The following RSPO2 variants were observed in gnomAD, a reference collection of about 807,000 sequenced individuals.
RSPO2 encodes the protein R-spondin 2.
RSPO2 carries 14 observed loss-of-function variants against 30.9 expected under a neutral mutation model. The ratio of observed to expected loss-of-function variants is 0.45; its 90% CI spans 0.30 to 0.71. The LOEUF (loss-of-function observed/expected upper bound fraction) is 0.71, where lower values mean the gene tolerates loss of function less well. Ranked by LOEUF, RSPO2 falls within the 30% of genes least tolerant of loss-of-function variation. The pLI is 0.08. For missense variants in RSPO2, 264 were observed against 301.9 expected (o/e 0.87, Z 0.93); for synonymous variants, 107 against 96.4 (o/e 1.11, Z -0.64).
chr8:107,903,328 A>T (rs1489336426), intron 5 of RSPO2, among the ~76,000 whole-genome samples: 2 of 151,498 alleles, frequency 1.3e-5, no homozygotes, highest in Non-Finnish European at 2.9e-5. Flanking sequence ...ATATATGTTA[A>T]AGAAAGCTTT....
At chr8:108,028,325 T>C (rs1178738720) in intron 2 of RSPO2, among the ~76,000 whole-genome samples, 2 of 152,182 alleles carry the variant, frequency 1.3e-5, no homozygotes, top group African/African-American at 2.4e-5. Flanking sequence ...CTCTGTCAAT[T>C]GCTTCCTTTT....
At chr8:107,999,435 G>C (rs1164901860) in intron 2 of RSPO2, among the ~76,000 whole-genome samples, 1 of 152,046 alleles carries the variant, frequency 6.6e-6, no homozygotes, top group Admixed American at 6.6e-5. Flanking sequence ...GGAGAAACTA[G>C]GAGTTTTTGT....
At chr8:107,932,366 G>A (rs1212993668) in intron 5 of RSPO2, among the ~76,000 whole-genome samples, 1 of 152,108 alleles carries the variant, frequency 6.6e-6, no homozygotes, top group Admixed American at 6.5e-5. Flanking sequence ...GAGTAGGGAG[G>A]TAATACCACC....
intron 5 of RSPO2, among the ~76,000 whole-genome samples, chr8:107,943,327 G>A (rs1812957988): frequency 6.6e-6 from 1 of 152,080 alleles, no homozygotes. Flanking sequence ...ACTAAGTACT[G>A]AAAGTTACAT....
chr8:107,924,636 G>A (rs1812294166), intron 5 of RSPO2, among the ~76,000 whole-genome samples: 1 of 151,918 alleles, frequency 6.6e-6, no homozygotes, highest in Admixed American at 6.6e-5. Flanking sequence ...AAGAGCAGTA[G>A]GGTACTGATG....
At chr8:107,971,236 A>T (rs1388435385) in intron 3 of RSPO2, among the ~76,000 whole-genome samples, 1 of 152,220 alleles carries the variant, frequency 6.6e-6, no homozygotes, top group Non-Finnish European at 1.5e-5. Flanking sequence ...ACAAGAAACA[A>T]ATGTAAGCTT....
chr8:107,981,086 A>T (rs1793633988), intron 3 of RSPO2, among the ~76,000 whole-genome samples: 1 of 152,196 alleles, frequency 6.6e-6, no homozygotes, highest in Non-Finnish European at 1.5e-5. Context: ...CTTCAAACAC[A>T]TTATATAGAA....
intron 2 of RSPO2, among the ~76,000 whole-genome samples, chr8:108,052,323 A>T (rs1295325344): frequency 2.6e-5 from 4 of 152,194 alleles, no homozygotes; most frequent in Non-Finnish European, 5.9e-5. Flanking sequence ...TCTTGTGAGA[A>T]ACTCAAACTT....
At chr8:107,937,082 G>A (rs1303997295) in intron 5 of RSPO2, among the ~76,000 whole-genome samples, 1 of 147,634 alleles carries the variant, frequency 6.8e-6, no homozygotes, top group African/African-American at 2.5e-5. Context: ...GTCTTAAAGT[G>A]TTTTCCCTAT....
chr8:107,970,204 T>C (rs1813947431), intron 3 of RSPO2, among the ~76,000 whole-genome samples: 1 of 152,200 alleles, frequency 6.6e-6, no homozygotes, highest in African/African-American at 2.4e-5. Context: ...ATGTAAATGA[T>C]TCAACATGGA....
intron 5 of RSPO2, among the ~76,000 whole-genome samples, chr8:107,953,380 C>G (rs1041875322): frequency 3.0e-4 from 46 of 152,176 alleles, no homozygotes; most frequent in African/African-American, 9.2e-4. Context: ...GAGAGTAGGG[C>G]CTTCACAGGG....
intron 5 of RSPO2, among the ~76,000 whole-genome samples, chr8:107,903,718 C>T (rs1054875855): frequency 3.9e-5 from 6 of 152,048 alleles, no homozygotes; most frequent in Non-Finnish European, 5.9e-5. Context: ...CTAATTACAA[C>T]CCTAAAGATT....
intron 5 of RSPO2, among the ~76,000 whole-genome samples, chr8:107,924,157 G>A (rs559972314): frequency 1.3e-5 from 2 of 151,772 alleles, no homozygotes; most frequent in South Asian, 4.2e-4. Context: ...AAAAACTGAG[G>A]TTACTACAAA....
At chr8:108,020,738 A>G (rs1811037303) in intron 2 of RSPO2, among the ~76,000 whole-genome samples, 1 of 152,210 alleles carries the variant, frequency 6.6e-6, no homozygotes, top group Non-Finnish European at 1.5e-5. Flanking sequence ...CTATAAAGGA[A>G]CATGCAATCT....
intron 5 of RSPO2, among the ~76,000 whole-genome samples, chr8:107,945,240 CCTTT>C (rs1563532526): frequency 3.9e-5 from 4 of 102,820 alleles, no homozygotes; most frequent in African/African-American, 9.7e-5. Flanking sequence ...CATTCTTTTA[CCTTT>C]TTTTTTTTTT....
At chr8:107,970,601 T>C (rs573488103) in intron 3 of RSPO2, among the ~76,000 whole-genome samples, 3 of 152,238 alleles carry the variant, frequency 2.0e-5, no homozygotes, top group Non-Finnish European at 4.4e-5. Context: ...GGAATTCAGT[T>C]GACATGGGAA....
At chr8:108,005,778 T>C (rs1208165644) in intron 2 of RSPO2, among the ~76,000 whole-genome samples, 1 of 152,106 alleles carries the variant, frequency 6.6e-6, no homozygotes, top group African/African-American at 2.4e-5. Context: ...ACTACTTGGG[T>C]CTTGAAGAGA....
At chr8:108,047,061 G>C (rs1811927451) in intron 2 of RSPO2, among the ~76,000 whole-genome samples, 1 of 152,184 alleles carries the variant, frequency 6.6e-6, no homozygotes. Flanking sequence ...GTAGCACGTA[G>C]AGGCATGAGT....
intron 5 of RSPO2, among the ~76,000 whole-genome samples, chr8:107,929,122 C>T (rs1315864831): frequency 1.3e-5 from 2 of 152,168 alleles, no homozygotes; most frequent in African/African-American, 2.4e-5. Context: ...TGGTAGTAGA[C>T]GTCTCTCTTC....
Sources: allele counts gnomAD v4.1 joint callset (sites outside exome capture counted in the v4.1 genomes callset), GRCh38; gene constraint gnomAD v4.1.1; transcripts MANE v1.5; gene names NCBI Gene and HGNC (gene_info 2026-07-23, HGNC 2026-07-21).